The following GPD1L variants were observed in gnomAD, a reference collection of about 807,000 sequenced individuals.
GPD1L encodes the protein glycerol-3-phosphate dehydrogenase 1-like protein.
A neutral mutation model predicts 32.9 loss-of-function variants in GPD1L; 17 were observed. The ratio of observed to expected loss-of-function variants is 0.52; its 90% CI spans 0.35 to 0.78. GPD1L has a LOEUF of 0.78. Among genes scored for constraint, GPD1L ranks in the 30% least tolerant of loss-of-function variants. The pLI is 0.01. For missense variants in GPD1L, 361 were observed against 447.8 expected (o/e 0.81, Z 1.75); for synonymous variants, 187 against 165.9 (o/e 1.13, Z -0.98).
intron 7 of GPD1L, among the ~76,000 whole-genome samples, chr3:32,160,806 GC>G (rs1208008510): frequency 2.6e-5 from 4 of 152,154 alleles, no homozygotes; most frequent in Non-Finnish European, 4.4e-5. Flanking sequence ...CCACTCTCCA[GC>G]CCTACCTGCT....
At position 32,121,737 on chromosome 3, in the gene GPD1L, C is replaced by CTA. The variant is rs1165983272; in HGVS notation, c.48-6329_48-6328dup. On this transcript the variant is annotated intron_variant, in intron 1 of 7. Coordinates refer to ENST00000282541, the MANE Select transcript of GPD1L (RefSeq NM_015141.4). ...TACATATATTTCTATATATATATTT[C>CTA]TATATATATATTTCTATATATATAT... Among the ~76,000 whole-genome samples the CTA allele has an allele frequency of 2.1e-4, 27 of 127,376 alleles. 1 individual carries two copies. Among genetic ancestry groups the CTA allele is most frequent in the East Asian group, 1.1e-3 (4 of 3,636 alleles). 83.6% of individuals were successfully genotyped at this position (127,376 alleles called of 152,430 possible).
intron 1 of GPD1L, among the ~76,000 whole-genome samples, chr3:32,110,337 C>A (rs1260806414): frequency 6.6e-6 from 1 of 152,216 alleles, no homozygotes; most frequent in Non-Finnish European, 1.5e-5. Context: ...GAACTTTAGC[C>A]TTTTGCCAAT....
intron 1 of GPD1L, among the ~76,000 whole-genome samples, chr3:32,123,376 G>C (rs1700453574): frequency 6.6e-6 from 1 of 152,220 alleles, no homozygotes; most frequent in Non-Finnish European, 1.5e-5. Flanking sequence ...GTGAAGAAGG[G>C]AAATTAGCAC....
At position 32,166,431 on chromosome 3, in the gene GPD1L, GT is replaced by G. The variant is rs1236607302; in HGVS notation, c.*528del. 1 of 162,046 alleles carries G rather than the reference GT, an allele frequency of 6.2e-6. No individual in the cohort carries two copies. Among genetic ancestry groups the G allele is most frequent in the Non-Finnish European group, 1.3e-5 (1 of 74,202 alleles). The allele number at this position is 162,046 out of a possible 1,614,324, so 10.0% of individuals were successfully genotyped here. A position where few individuals can be genotyped will look rare whatever the true frequency, so the allele number is the denominator to read the frequency against. Reference sequence around the variant, plus strand: ...CTACTTTGATTGTGGGCTGACCTTTGTTTTTTTAACAATCAGGCATTTTTAA... The same window carrying G: ...CTACTTTGATTGTGGGCTGACCTTTGTTTTTTAACAATCAGGCATTTTTAA... On this transcript the variant is annotated 3_prime_UTR_variant, in exon 8 of 8. Transcript: ENST00000282541.
At chr3:32,156,548 G>A (rs944557092) in intron 5 of GPD1L, among the ~76,000 whole-genome samples, 2 of 152,194 alleles carry the variant, frequency 1.3e-5, no homozygotes. Context: ...CCGTGGGAGA[G>A]GGCAAGAGAG....
intron 5 of GPD1L, 197 bp from the exon 6 acceptor site, chr3:32,158,679 G>C: frequency 8.1e-7 from 1 of 1,232,438 alleles, no homozygotes; most frequent in Middle Eastern, 2.8e-4. Flanking sequence ...TCCTAGAAAG[G>C]GGAATATGGA....
intron 7 of GPD1L, among the ~76,000 whole-genome samples, chr3:32,162,273 C>T (rs983823236): frequency 6.6e-6 from 1 of 152,228 alleles, no homozygotes; most frequent in African/African-American, 2.4e-5. Context: ...TGTGGCCCCC[C>T]TCAATCTAGC....
chr3:32,112,324 T>C (rs1700264447), intron 1 of GPD1L, among the ~76,000 whole-genome samples: 2 of 61,678 alleles, frequency 3.2e-5, no homozygotes, highest in African/African-American at 1.3e-4. Flanking sequence ...ATCTAAAAAA[T>C]AAATAAATAA....
At chr3:32,150,118 C>G (rs756469591) in intron 5 of GPD1L, among the ~76,000 whole-genome samples, 1 of 152,160 alleles carries the variant, frequency 6.6e-6, no homozygotes, top group Admixed American at 6.5e-5. Context: ...TTCCTCATCA[C>G]CCCAGCCTCC....
In GPD1L at chr3:32,146,682, G is replaced by A. The variant is rs1317776176; in HGVS notation, c.566G>A (p.Arg189Gln). Residue 189 changes from arginine (R) to glutamine (Q), a missense_variant, in exon 5 of 8, where the codon CGA becomes CAA. By Grantham distance (43) the Arg-to-Gln change is conservative. Coordinates refer to ENST00000282541, the MANE Select transcript of GPD1L (RefSeq NM_015141.4). ...FKELLQTPNF[R>Q]ITVVDDADTV... ...GAACTTCTGCAGACTCCAAATTTTC[G>A]AATTACCGTGGTTGATGATGCAGAC... is the stretch of plus-strand genomic sequence containing the variant. The A allele has an allele frequency of 3.7e-6, 6 of 1,613,748 alleles. No individual in the cohort carries two copies. Among genetic ancestry groups the A allele is most frequent in the Non-Finnish European group, 5.1e-6 (6 of 1,179,696 alleles).
intron 1 of GPD1L, among the ~76,000 whole-genome samples, chr3:32,109,836 G>C (rs1379338619): frequency 1.3e-5 from 2 of 152,236 alleles, no homozygotes; most frequent in Non-Finnish European, 2.9e-5. Flanking sequence ...GTGAGGACAT[G>C]GAAGATAAGA....
At chr3:32,151,222 T>C in intron 5 of GPD1L, 1 of 602,542 alleles carries the variant, frequency 1.7e-6, no homozygotes, top group South Asian at 1.6e-5. Context: ...TCCTTCTTTT[T>C]CTGATCATTT....
At chr3:32,121,830 G>T (rs1269170835) in intron 1 of GPD1L, among the ~76,000 whole-genome samples, 6 of 149,206 alleles carry the variant, frequency 4.0e-5, no homozygotes, top group African/African-American at 1.5e-4. Flanking sequence ...GAGTGCAGTG[G>T]TGTGATTTCA....
chr3:32,113,117 T>G (rs1176020383), intron 1 of GPD1L, among the ~76,000 whole-genome samples: 1 of 151,882 alleles, frequency 6.6e-6, no homozygotes, highest in Non-Finnish European at 1.5e-5. Flanking sequence ...AGCAAGGCCT[T>G]AAAAATCATC....
intron 1 of GPD1L, among the ~76,000 whole-genome samples, chr3:32,120,328 A>AAAAC (rs1001365034): frequency 3.9e-5 from 6 of 152,014 alleles, no homozygotes; most frequent in Admixed American, 2.0e-4. Flanking sequence ...AAAAAAACAA[A>AAAAC]AAACAAACAA....
chr3:32,115,523 A>G (rs1700317064), intron 1 of GPD1L, among the ~76,000 whole-genome samples: 2 of 152,224 alleles, frequency 1.3e-5, no homozygotes, highest in Non-Finnish European at 2.9e-5. Flanking sequence ...GATTTTCTCT[A>G]CCCGGTTTTT....
intron 5 of GPD1L, among the ~76,000 whole-genome samples, chr3:32,150,629 G>T (rs1213343953): frequency 6.6e-6 from 1 of 152,002 alleles, no homozygotes; most frequent in East Asian, 1.9e-4. Context: ...TGGGATTACA[G>T]GTGCATTCCA....
intron 1 of GPD1L, among the ~76,000 whole-genome samples, chr3:32,123,557 A>C (rs191670313): frequency 2.7e-4 from 41 of 152,172 alleles, no homozygotes; most frequent in Admixed American, 2.3e-3. Flanking sequence ...ATAGACCTGG[A>C]AGGAACCTTA....
chr3:32,133,249 C>T (rs1184452083), intron 2 of GPD1L, among the ~76,000 whole-genome samples: 1 of 152,180 alleles, frequency 6.6e-6, no homozygotes, highest in Admixed American at 6.5e-5. Flanking sequence ...TAGATTCATA[C>T]AGACTTGAAG....
Sources: allele counts gnomAD v4.1 joint callset (sites outside exome capture counted in the v4.1 genomes callset), GRCh38; gene constraint gnomAD v4.1.1; transcripts MANE v1.5; gene names NCBI Gene and HGNC (gene_info 2026-07-23, HGNC 2026-07-21).